Variants in AGBL4 observed in about 807,000 individuals in gnomAD.
AGBL4 encodes the protein cytosolic carboxypeptidase 6.
Under a neutral mutation model 66.4 loss-of-function variants are expected in AGBL4, and 58 were observed. The observed-to-expected ratio is 0.87, with a 90% CI of 0.71 to 1.09. The LOEUF is 1.09. AGBL4 is among the 50% of genes least tolerant of loss of function. AGBL4 has a pLI of 0.00. For synonymous variants in AGBL4, 234 were observed against 222.9 expected, an observed-to-expected ratio of 1.05 and a Z score of -0.44; for missense variants, 579 against 631.0, an observed-to-expected ratio of 0.92 and a Z score of 0.88.
chr1:49,172,751 G>A (rs1009688441), intron 4 of AGBL4, among the ~76,000 whole-genome samples: 1 of 152,196 alleles, frequency 6.6e-6, no homozygotes, highest in African/African-American at 2.4e-5. Flanking sequence ...AAATCAGTGT[G>A]AGAAACTTGA....
intron 3 of AGBL4, among the ~76,000 whole-genome samples, chr1:49,649,549 AT>A (rs1185688949): frequency 2.6e-5 from 4 of 152,206 alleles, no homozygotes; most frequent in African/African-American, 9.6e-5. Context: ...TTTATCAGAA[AT>A]GGACAGATCC....
intron 5 of AGBL4, among the ~76,000 whole-genome samples, chr1:49,006,686 G>T (rs552328616): frequency 2.6e-5 from 4 of 151,594 alleles, no homozygotes; most frequent in South Asian, 4.2e-4. Context: ...ATCTGAGAAC[G>T]GGCAGACTGC....
At chr1:49,511,143 GAC>G (rs1039317583) in intron 3 of AGBL4, among the ~76,000 whole-genome samples, 2 of 151,848 alleles carry the variant, frequency 1.3e-5, no homozygotes, top group Admixed American at 1.3e-4. Context: ...CTGCTATAAA[GAC>G]ACACACACAC....
chr1:49,338,719 G>A (rs1334980856), intron 3 of AGBL4, among the ~76,000 whole-genome samples: 1 of 152,106 alleles, frequency 6.6e-6, no homozygotes, highest in Non-Finnish European at 1.5e-5. Context: ...AAAATTCAAG[G>A]GGAAATATCT....
At chr1:49,552,384 G>GC (rs1653034208) in intron 3 of AGBL4, among the ~76,000 whole-genome samples, 1 of 152,118 alleles carries the variant, frequency 6.6e-6, no homozygotes, top group Non-Finnish European at 1.5e-5. Context: ...TGTGGTGTTT[G>GC]CCCCCCTGCT....
chr1:48,812,369 T>C (rs1646071746), intron 6 of AGBL4, among the ~76,000 whole-genome samples: 1 of 152,144 alleles, frequency 6.6e-6, no homozygotes, highest in Non-Finnish European at 1.5e-5. Flanking sequence ...ATTAGGAGGT[T>C]CTTAATTCAC....
intron 2 of AGBL4, among the ~76,000 whole-genome samples, chr1:49,717,057 C>G (rs964177918): frequency 1.2e-4 from 19 of 152,090 alleles, no homozygotes; most frequent in Non-Finnish European, 4.4e-5. Context: ...TCTCCTTAAG[C>G]TGATAAGCAA....
At chr1:49,933,954 C>T (rs80171193) in intron 1 of AGBL4, among the ~76,000 whole-genome samples, 1,666 of 152,198 alleles carry the variant, frequency 0.011, 26 homozygotes, top group African/African-American at 0.038. Context: ...AGTCAAAACA[C>T]ATACAATGGC....
chr1:49,915,458 G>T (rs763269255), intron 1 of AGBL4, among the ~76,000 whole-genome samples: 6 of 152,036 alleles, frequency 3.9e-5, no homozygotes, highest in Non-Finnish European at 7.4e-5. Flanking sequence ...GGCTTGGAGG[G>T]TCCCACGCCC....
At chr1:49,762,202 G>C (rs1019785035) in intron 2 of AGBL4, among the ~76,000 whole-genome samples, 1 of 152,138 alleles carries the variant, frequency 6.6e-6, no homozygotes, top group Non-Finnish European at 1.5e-5. Flanking sequence ...TGAATAGTGT[G>C]TAAGTGTTCC....
chr1:49,346,709 T>G (rs1342593326), intron 3 of AGBL4, among the ~76,000 whole-genome samples: 1 of 152,214 alleles, frequency 6.6e-6, no homozygotes, highest in Non-Finnish European at 1.5e-5. Flanking sequence ...GGTAGGAATA[T>G]CACTGCTCCT....
chr1:49,561,329 C>T (rs372332825), intron 3 of AGBL4, among the ~76,000 whole-genome samples: 7 of 150,890 alleles, frequency 4.6e-5, no homozygotes, highest in Non-Finnish European at 1.0e-4. Context: ...TATACATGTA[C>T]CCTAAAGTTT....
At chr1:49,870,527 C>T (rs1358760753) in intron 1 of AGBL4, among the ~76,000 whole-genome samples, 1 of 150,684 alleles carries the variant, frequency 6.6e-6, no homozygotes, top group Non-Finnish European at 1.5e-5. Context: ...CATTGCATGC[C>T]TGTATCAAAA....
chr1:49,566,205 A>G (rs974197632), intron 3 of AGBL4, among the ~76,000 whole-genome samples: 3 of 151,424 alleles, frequency 2.0e-5, no homozygotes, highest in African/African-American at 7.3e-5. Context: ...CATTCGTCTA[A>G]TTTTTTTTCA....
intron 6 of AGBL4, among the ~76,000 whole-genome samples, chr1:48,835,964 G>A (rs1323329661): frequency 4.6e-5 from 7 of 152,100 alleles, no homozygotes; most frequent in Non-Finnish European, 1.0e-4. Context: ...GAAAGTCACT[G>A]AAAGGTTTTA....
chr1:49,199,285 A>C (rs932283679), intron 4 of AGBL4, among the ~76,000 whole-genome samples: 15 of 152,200 alleles, frequency 9.9e-5, no homozygotes, highest in Admixed American at 5.9e-4. Context: ...TTTTAACCAC[A>C]ATGCTATATT....
Position 48,590,982 on chromosome 1 carries a change from T to C in AGBL4, c.955A>G (p.Thr319Ala), listed in dbSNP as rs1644906947. 9 of 1,606,992 alleles carry C rather than the reference T, an allele frequency of 5.6e-6. No individual in the cohort carries two copies. The highest frequency in any genetic ancestry group is 7.6e-6 in the Non-Finnish European group (9 of 1,176,984). The change falls in exon 10 of 14, where the codon ACA (threonine) becomes GCA (alanine). Residue 319 changes from threonine (T) to alanine (A), a missense_variant. Physicochemically the swap from Thr to Ala is moderately conservative, Grantham distance 58. Transcript: ENST00000371839. Reference sequence around the variant, plus strand: ...ATGTCAATATAAAACTCCAGGCTTGTTTTCTGTTGAGAGAAAGGATAACAA... The same window carrying C: ...ATGTCAATATAAAACTCCAGGCTTGCTTTCTGTTGAGAGAAAGGATAACAA... ...LIVQMYNDPKTSLEFYIDIHA... is the reference protein window; with the variant it reads ...LIVQMYNDPKASLEFYIDIHA...
intron 4 of AGBL4, among the ~76,000 whole-genome samples, chr1:49,198,036 C>T (rs574324013): frequency 1.6e-4 from 24 of 152,152 alleles, no homozygotes; most frequent in African/African-American, 5.1e-4. Context: ...TGCTTTCTGG[C>T]GCCATGTCTT....
At position 49,818,120 on chromosome 1, in the gene AGBL4, A is replaced by G. The variant is rs142111505; in HGVS notation, c.157+33276T>C. 6.7e-3 allele frequency among the ~76,000 whole-genome samples: 1,015 copies of G among 152,182 alleles called. 8 individuals are homozygous for G. The highest frequency in any genetic ancestry group is 0.01 in the Non-Finnish European group (701 of 68,004). On this transcript the variant is annotated intron_variant, in intron 2 of 13. Coordinates refer to ENST00000371839, the MANE Select transcript of AGBL4 (RefSeq NM_032785.4). Reference sequence around the variant, plus strand: ...ACATTGATCCACACTAGCAGCCAGCATTTTCAGAAAAAAAAAATTAAACAT... The same window carrying G: ...ACATTGATCCACACTAGCAGCCAGCGTTTTCAGAAAAAAAAAATTAAACAT...
Sources: allele counts gnomAD v4.1 joint callset (sites outside exome capture counted in the v4.1 genomes callset), GRCh38; gene constraint gnomAD v4.1.1; transcripts MANE v1.5; gene names NCBI Gene and HGNC (gene_info 2026-07-23, HGNC 2026-07-21).